Variants in GUCY1A2 observed in about 807,000 individuals in gnomAD.
GUCY1A2 encodes guanylate cyclase 1 soluble subunit alpha 2.
A neutral mutation model predicts 63.5 loss-of-function variants in GUCY1A2; 27 were observed. The observed-to-expected ratio is 0.43, with a 90% CI of 0.31 to 0.59. The LOEUF (loss-of-function observed/expected upper bound fraction) is 0.59. Among genes scored for constraint, GUCY1A2 ranks in the 20% least tolerant of loss-of-function variants. GUCY1A2 has a pLI of 0.11. For missense variants in GUCY1A2, 768 were observed against 913.3 expected, an observed-to-expected ratio of 0.84 and a Z score of 2.05; for synonymous variants, 364 against 343.5, an observed-to-expected ratio of 1.06 and a Z score of -0.66.
intron 4 of GUCY1A2, chr11:106,936,776 G>T: frequency 1.2e-6 from 1 of 825,676 alleles, no homozygotes; most frequent in Non-Finnish European, 1.9e-6. Flanking sequence ...AAACAAAACA[G>T]TTAAATTATG....
intron 4 of GUCY1A2, among the ~76,000 whole-genome samples, chr11:106,897,074 T>A (rs7935207): frequency 0.095 from 14,500 of 152,082 alleles, 734 homozygotes; most frequent in Middle Eastern, 0.13. Context: ...AAGTAAAATT[T>A]AAAATTAAAA....
intron 4 of GUCY1A2, among the ~76,000 whole-genome samples, chr11:106,852,786 C>T (rs1383204006): frequency 6.6e-6 from 1 of 151,916 alleles, no homozygotes; most frequent in African/African-American, 2.4e-5. Flanking sequence ...TGTGTCCTTG[C>T]CTGCTTTTGG....
chr11:106,970,207 A>G (rs1565347026), intron 3 of GUCY1A2, among the ~76,000 whole-genome samples: 1 of 152,154 alleles, frequency 6.6e-6, no homozygotes, highest in Non-Finnish European at 1.5e-5. Flanking sequence ...AACACCTTCA[A>G]CAAATGGGAC....
intron 6 of GUCY1A2, among the ~76,000 whole-genome samples, chr11:106,769,137 CA>C (rs59832285): frequency 1.3e-5 from 2 of 150,964 alleles, no homozygotes; most frequent in Admixed American, 6.6e-5. Flanking sequence ...AGCATTCAAA[CA>C]AAAAAAAGTG....
intron 4 of GUCY1A2, among the ~76,000 whole-genome samples, chr11:106,913,350 C>T (rs1860322145): frequency 6.6e-6 from 1 of 151,996 alleles, no homozygotes; most frequent in African/African-American, 2.4e-5. Flanking sequence ...GCTACTTCTG[C>T]CATTAGTGGA....
chr11:106,781,460 C>CCTAT (rs144934617), intron 5 of GUCY1A2, among the ~76,000 whole-genome samples: 6,997 of 152,210 alleles, frequency 0.046, 151 homozygotes, highest in East Asian at 0.092. Context: ...GAAGAATTTG[C>CCTAT]CTATCTCAGT....
At position 107,018,127 on chromosome 11, in the gene GUCY1A2, G is replaced by C; in HGVS notation, c.-72C>G. ...GAGCGGCGGCGGAGGCGGCGGTGGC[G>C]GGACCGGCAAGCGACAACGTTAAGC... On this transcript the variant is annotated 5_prime_UTR_variant, in exon 1 of 8. Coordinates refer to ENST00000526355, the MANE Select transcript of GUCY1A2 (RefSeq NM_000855.3). 1 of 1,040,282 alleles carries C rather than the reference G, an allele frequency of 9.6e-7. No homozygotes were observed. Among genetic ancestry groups the C allele is most frequent in the Non-Finnish European group, 1.3e-6 (1 of 786,924 alleles). The allele number at this position is 1,040,282 out of a possible 1,614,324, so 64.4% of individuals were successfully genotyped here.
intron 7 of GUCY1A2, among the ~76,000 whole-genome samples, chr11:106,702,465 A>T (rs1591236620): frequency 6.6e-6 from 1 of 152,194 alleles, no homozygotes; most frequent in African/African-American, 2.4e-5. Context: ...CAGGTTATGC[A>T]GTGAGAGGAC....
chr11:107,011,559 TAATA>T (rs961407288), intron 1 of GUCY1A2, among the ~76,000 whole-genome samples: 12 of 146,356 alleles, frequency 8.2e-5, no homozygotes, highest in African/African-American at 3.0e-4. Context: ...AATATATTTA[TAATA>T]TATACACATA....
At chr11:106,998,078 G>T (rs1010259928) in intron 1 of GUCY1A2, among the ~76,000 whole-genome samples, 1 of 152,046 alleles carries the variant, frequency 6.6e-6, no homozygotes, top group African/African-American at 2.4e-5. Context: ...CTTCAAATCT[G>T]CTTACTCTAA....
intron 3 of GUCY1A2, among the ~76,000 whole-genome samples, chr11:106,959,105 A>G (rs1861027566): frequency 6.6e-6 from 1 of 152,226 alleles, no homozygotes; most frequent in South Asian, 2.1e-4. Flanking sequence ...TACGGTCTCA[A>G]AGTAGATCTC....
chr11:106,714,744 A>T (rs906424815), intron 6 of GUCY1A2, among the ~76,000 whole-genome samples: 4 of 147,682 alleles, frequency 2.7e-5, no homozygotes, highest in Non-Finnish European at 6.0e-5. Flanking sequence ...GATTCTCACA[A>T]CTGGGAGGGA....
Position 106,865,622 on chromosome 11 carries a change from G to A in GUCY1A2, c.1207-55144C>T, listed in dbSNP as rs1042309027. 2.0e-5 allele frequency among the ~76,000 whole-genome samples: 3 copies of A among 152,012 alleles called. No homozygotes were observed. In the East Asian group the frequency reaches 5.8e-4, roughly 30 times the overall value. Reference sequence around the variant, plus strand: ...CAATAAGAACACATGGACACAGGGAGGGGAGCATCACACACCTTGCCTGTC... The same window carrying A: ...CAATAAGAACACATGGACACAGGGAAGGGAGCATCACACACCTTGCCTGTC... On this transcript the variant is annotated intron_variant, in intron 4 of 7. Coordinates refer to ENST00000526355, the MANE Select transcript of GUCY1A2 (RefSeq NM_000855.3).
intron 5 of GUCY1A2, among the ~76,000 whole-genome samples, chr11:106,779,879 A>C (rs1369385439): frequency 6.6e-6 from 1 of 152,238 alleles, no homozygotes; most frequent in Non-Finnish European, 1.5e-5. Flanking sequence ...CAATCCGTAC[A>C]TGATTGTATA....
At chr11:106,928,249 T>A (rs1221619995) in intron 4 of GUCY1A2, among the ~76,000 whole-genome samples, 2 of 151,888 alleles carry the variant, frequency 1.3e-5, no homozygotes, top group Non-Finnish European at 1.5e-5. Flanking sequence ...CAAAAAAGAG[T>A]CACTGCTTCA....
At position 106,830,638 on chromosome 11, in the gene GUCY1A2, A is replaced by G. The variant is rs559171906; in HGVS notation, c.1207-20160T>C. On this transcript the variant is annotated intron_variant, in intron 4 of 7. Coordinates refer to ENST00000526355, the MANE Select transcript of GUCY1A2 (RefSeq NM_000855.3). ...TCCTGCTCTCGAACAACAGACTCCA[A>G]GTTCTTCAGCTTTGGGACTCAGACT... Among the ~76,000 whole-genome samples, 4 of 152,202 alleles carry G rather than the reference A, an allele frequency of 2.6e-5. No individual in the cohort carries two copies. The South Asian group carries it at 6.2e-4, about 24-fold the overall frequency.
At chr11:106,907,593 C>T (rs1391930835) in intron 4 of GUCY1A2, among the ~76,000 whole-genome samples, 3 of 151,836 alleles carry the variant, frequency 2.0e-5, no homozygotes, top group Non-Finnish European at 4.4e-5. Context: ...GTGTGATGTT[C>T]CCCTTCCTGT....
intron 3 of GUCY1A2, among the ~76,000 whole-genome samples, chr11:106,949,094 G>A (rs775969552): frequency 6.6e-6 from 1 of 152,130 alleles, no homozygotes; most frequent in African/African-American, 2.4e-5. Context: ...ACGATTGTGT[G>A]TGTGTGTTGT....
At chr11:106,719,023 C>A (rs78469199) in intron 6 of GUCY1A2, among the ~76,000 whole-genome samples, 4,075 of 152,184 alleles carry the variant, frequency 0.027, 161 homozygotes, top group East Asian at 0.13. Context: ...ACATTTATAG[C>A]ATTAATCAAA....
Sources: allele counts gnomAD v4.1 joint callset (sites outside exome capture counted in the v4.1 genomes callset), GRCh38; gene constraint gnomAD v4.1.1; transcripts MANE v1.5; gene names NCBI Gene and HGNC (gene_info 2026-07-23, HGNC 2026-07-21).